NOL4: variants seen among roughly 807,000 people sequenced by gnomAD.
NOL4 encodes cancer/testis antigen 125.
In NOL4, 17 loss-of-function variants were observed where a neutral mutation model predicts 75.9. That is an observed-to-expected ratio of 0.22 (90% CI 0.15 to 0.34). NOL4 has a LOEUF of 0.34. NOL4 is among the 10% of genes least tolerant of loss of function. NOL4 has a pLI of 1.00. For synonymous variants in NOL4, 292 were observed against 289.9 expected, an observed-to-expected ratio of 1.01 and a Z score of -0.07; for missense variants, 614 against 793.5, an observed-to-expected ratio of 0.77 and a Z score of 2.72.
rs556322880 is a variant in NOL4 at position 33,983,347 on chromosome 18, C to A, written c.1057-24929G>T. Among the ~76,000 whole-genome samples, 328 of 152,062 alleles carry A rather than the reference C, an allele frequency of 2.2e-3. 1 individual carries two copies. Among genetic ancestry groups the A allele is most frequent in the Middle Eastern group, 0.014 (4 of 294 alleles). On this transcript the variant is annotated intron_variant, in intron 6 of 10. Coordinates refer to ENST00000261592, the MANE Select transcript of NOL4 (RefSeq NM_003787.5). Reference sequence around the variant, plus strand: ...AACTATGGACTTTAAGTGATGATAACGTGTCATTGTAGGTTCACTGATTAT... The same window carrying A: ...AACTATGGACTTTAAGTGATGATAAAGTGTCATTGTAGGTTCACTGATTAT...
intron 9 of NOL4, among the ~76,000 whole-genome samples, chr18:33,927,520 T>C (rs1057296535): frequency 6.6e-6 from 1 of 152,164 alleles, no homozygotes; most frequent in South Asian, 2.1e-4. Flanking sequence ...GTGTGTGGAC[T>C]GTTGACACTC....
intron 1 of NOL4, among the ~76,000 whole-genome samples, chr18:34,147,597 G>A (rs891163404): frequency 2.0e-5 from 3 of 152,096 alleles, no homozygotes; most frequent in East Asian, 3.8e-4. Context: ...GCTTTTTGAT[G>A]TGCTGCTAGA....
At chr18:33,859,910 T>G (rs1403022042) in intron 10 of NOL4, among the ~76,000 whole-genome samples, 3 of 151,974 alleles carry the variant, frequency 2.0e-5, no homozygotes, top group African/African-American at 7.3e-5. Flanking sequence ...AGAGTGAGAA[T>G]CTGTCTCAAA....
chr18:33,873,031 C>G (rs1379896356), intron 10 of NOL4, among the ~76,000 whole-genome samples: 1 of 151,840 alleles, frequency 6.6e-6, no homozygotes, highest in Non-Finnish European at 1.5e-5. Context: ...TTTCATTGGA[C>G]CTCCTTGGAT....
intron 9 of NOL4, among the ~76,000 whole-genome samples, chr18:33,915,153 C>T (rs2066638206): frequency 6.6e-6 from 1 of 152,082 alleles, no homozygotes; most frequent in Admixed American, 6.6e-5. Context: ...GTGACAAATG[C>T]CCCTGATAGT....
intron 6 of NOL4, among the ~76,000 whole-genome samples, chr18:33,978,118 G>A (rs2071648436): frequency 6.6e-6 from 1 of 152,050 alleles, no homozygotes. Flanking sequence ...ATATTGGGTT[G>A]GTGACCAGTT....
chr18:34,147,810 C>T (rs774241382), intron 1 of NOL4, among the ~76,000 whole-genome samples: 2 of 152,018 alleles, frequency 1.3e-5, no homozygotes, highest in African/African-American at 2.4e-5. Flanking sequence ...CCTCTTTGTA[C>T]CTCTGGAAGA....
At chr18:33,876,119 C>A (rs576409825) in intron 10 of NOL4, among the ~76,000 whole-genome samples, 2 of 152,072 alleles carry the variant, frequency 1.3e-5, no homozygotes, top group Admixed American at 6.6e-5. Context: ...AAGATTTGAA[C>A]ATGAGAACTC....
intron 1 of NOL4, among the ~76,000 whole-genome samples, chr18:34,207,672 T>C (rs1260477509): frequency 6.6e-6 from 1 of 152,190 alleles, no homozygotes; most frequent in East Asian, 1.9e-4. Flanking sequence ...TTTTCTGATG[T>C]TTCTTGCCTG....
chr18:33,988,930 G>T (rs1024826945), intron 6 of NOL4, among the ~76,000 whole-genome samples: 4 of 151,880 alleles, frequency 2.6e-5, no homozygotes, highest in Admixed American at 2.6e-4. Context: ...GGGCACAGTG[G>T]CTCATGCCTA....
At chr18:33,928,785 T>A (rs2067498644) in intron 9 of NOL4, among the ~76,000 whole-genome samples, 1 of 152,118 alleles carries the variant, frequency 6.6e-6, no homozygotes, top group South Asian at 2.1e-4. Flanking sequence ...AGAATAGAAA[T>A]CTTGGTATGT....
At chr18:33,854,344 G>A (rs2062747330) in intron 10 of NOL4, among the ~76,000 whole-genome samples, 1 of 152,054 alleles carries the variant, frequency 6.6e-6, no homozygotes, top group Non-Finnish European at 1.5e-5. Context: ...TAGCACACAA[G>A]AACTCTGACA....
At chr18:33,937,640 G>A (rs576739540) in intron 9 of NOL4, among the ~76,000 whole-genome samples, 1 of 152,006 alleles carries the variant, frequency 6.6e-6, no homozygotes, top group Non-Finnish European at 1.5e-5. Flanking sequence ...CTCTCTAGTT[G>A]GGCAAAGAGG....
intron 5 of NOL4, among the ~76,000 whole-genome samples, chr18:34,034,702 T>C (rs1314937217): frequency 6.6e-6 from 1 of 152,092 alleles, no homozygotes; most frequent in African/African-American, 2.4e-5. Flanking sequence ...ATTGCGCCAC[T>C]GTACTCCAGC....
At chr18:33,907,757 C>A (rs933473226) in intron 9 of NOL4, among the ~76,000 whole-genome samples, 1 of 152,076 alleles carries the variant, frequency 6.6e-6, no homozygotes, top group Non-Finnish European at 1.5e-5. Context: ...ATTTGTGACA[C>A]ATAAAGGAGC....
At position 34,104,039 on chromosome 18, in the gene NOL4, T is replaced by C; in HGVS notation, c.639+8A>G. 6.3e-7 allele frequency: 1 copy of C among 1,587,836 alleles called. No homozygotes were observed. Among genetic ancestry groups the C allele is most frequent in the South Asian group, 1.1e-5 (1 of 90,450 alleles). The stretch of plus-strand genomic sequence containing the variant: ...TAAGTAATACAAATGTAGATGTTTT[T>C]ATTTTACCTCATCTTGCTGTGAGTT... On this transcript the variant is annotated splice_region_variant and intron_variant, in intron 4 of 10. Transcript: ENST00000261592.
chr18:34,207,839 G>A (rs2036229206), intron 1 of NOL4, among the ~76,000 whole-genome samples: 1 of 152,084 alleles, frequency 6.6e-6, no homozygotes, highest in African/African-American at 2.4e-5. Flanking sequence ...CTGTTCCTCT[G>A]GCCAGAGACA....
chr18:34,103,318 AT>A (rs1811387226), intron 4 of NOL4, among the ~76,000 whole-genome samples: 1 of 152,048 alleles, frequency 6.6e-6, no homozygotes, highest in African/African-American at 2.4e-5. Context: ...ATTGTTATTT[AT>A]TTTGGAGAAT....
Position 34,152,152 on chromosome 18 carries a change from G to T in NOL4, c.265-22132C>A, listed in dbSNP as rs1044092838. Among the ~76,000 whole-genome samples the T allele has an allele frequency of 2.0e-5, 3 of 151,486 alleles. No individual in the cohort carries two copies. The South Asian group carries it at 6.2e-4, about 31-fold the overall frequency. ...AAATGAAACATTAACTTATTTTAAT[G>T]TTATTTTTAAAAAGAAAGAAATCTT... is the stretch of plus-strand genomic sequence containing the variant. On this transcript the variant is annotated intron_variant, in intron 1 of 10. Coordinates refer to ENST00000261592, the MANE Select transcript of NOL4 (RefSeq NM_003787.5).
Sources: gnomAD v4.1 joint callset for allele counts (sites outside exome capture counted in the v4.1 genomes callset) on GRCh38, gnomAD v4.1.1 for gene constraint, MANE v1.5 for transcripts, NCBI Gene and HGNC (gene_info 2026-07-23, HGNC 2026-07-21) for gene names.